Variants in ST3GAL3 observed in about 807,000 individuals in gnomAD.
ST3GAL3 encodes the protein CMP-N-acetylneuraminate-beta-1,4-galactoside alpha-2,3-sialyltransferase.
ST3GAL3 carries 21 observed loss-of-function variants against 50.1 expected under a neutral mutation model. The observed-to-expected ratio is 0.42, with a 90% CI of 0.30 to 0.60. ST3GAL3 has a LOEUF of 0.60. ST3GAL3 is among the 20% of genes least tolerant of loss of function. The pLI is 0.19. For missense variants in ST3GAL3, 353 were observed against 489.4 expected (o/e 0.72, Z 2.63); for synonymous variants, 183 against 190.0 (o/e 0.96, Z 0.30).
At chr1:43,905,179 G>C (rs1571113598) in intron 9 of ST3GAL3, among the ~76,000 whole-genome samples, 4 of 55,426 alleles carry the variant, frequency 7.2e-5, no homozygotes, top group Admixed American at 5.5e-4. Flanking sequence ...CCCTCCTCCT[G>C]TTTCTCTTCC....
intron 9 of ST3GAL3, among the ~76,000 whole-genome samples, chr1:43,908,948 ACCCG>A (rs2080304708): frequency 6.6e-6 from 1 of 151,950 alleles, no homozygotes; most frequent in Non-Finnish European, 1.5e-5. Flanking sequence ...ACTCTTTAGC[ACCCG>A]CCATGTACTC....
intron 5 of ST3GAL3, among the ~76,000 whole-genome samples, chr1:43,881,531 C>G (rs556801460): frequency 6.6e-6 from 1 of 152,364 alleles, no homozygotes; most frequent in East Asian, 1.9e-4. Flanking sequence ...AGTTTCCTCC[C>G]CTACGTTCCC....
At chr1:43,838,489 C>T in intron 5 of ST3GAL3, 178 bp downstream of exon 5, 1 of 640,216 alleles carries the variant, frequency 1.6e-6, no homozygotes, top group Non-Finnish European at 2.9e-6. Context: ...CGTTGCTTTG[C>T]CTTACTCCCA....
intron 4 of ST3GAL3, among the ~76,000 whole-genome samples, chr1:43,821,890 G>C (rs1471913938): frequency 6.6e-6 from 1 of 152,234 alleles, no homozygotes; most frequent in Non-Finnish European, 1.5e-5. Context: ...GATTTGTTGA[G>C]CAACTAATAT....
chr1:43,897,019 T>C (rs1047924774), intron 6 of ST3GAL3, among the ~76,000 whole-genome samples: 1 of 140,824 alleles, frequency 7.1e-6, no homozygotes, highest in Non-Finnish European at 1.5e-5. Context: ...TATTGGTACA[T>C]ACAGCTGTAG....
rs778849429 is a variant in ST3GAL3, at chr1:43,899,193, G to A, written c.487G>A (p.Val163Met). The change falls in exon 8 of 12, where the codon GTG (valine) becomes ATG (methionine). Residue 163 changes from valine (V) to methionine (M), a missense_variant. Coordinates refer to ENST00000347631, the MANE Select transcript of ST3GAL3 (RefSeq NM_006279.5). This position sits in a 1 kb window ranked among gnomAD's most constrained non-coding sequence, Gnocchi z 5.4. ...CCTCCGCTGCCGCCGCTGCATCATCGTGGGCAATGGAGGCGTTCTTGCCAA... is the reference window on the plus strand; with the variant it reads ...CCTCCGCTGCCGCCGCTGCATCATCATGGGCAATGGAGGCGTTCTTGCCAA... ...DSLRCRRCII[V>M]GNGGVLANKS... The A allele has an allele frequency of 3.5e-5, 56 of 1,614,046 alleles. No homozygotes were observed. Among genetic ancestry groups the A allele is most frequent in the African/African-American group, 1.2e-4 (9 of 74,912 alleles).
At chr1:43,848,563 C>T (rs2066698525) in intron 5 of ST3GAL3, among the ~76,000 whole-genome samples, 1 of 152,006 alleles carries the variant, frequency 6.6e-6, no homozygotes, top group African/African-American at 2.4e-5. Context: ...CCTCGGCCTC[C>T]CAAAGTGCTA....
At chr1:43,865,791 C>T (rs542824410) in intron 5 of ST3GAL3, among the ~76,000 whole-genome samples, 13 of 152,332 alleles carry the variant, frequency 8.5e-5, no homozygotes, top group African/African-American at 3.1e-4. Context: ...CTACTTCTAG[C>T]ATTAAAGGGC....
chr1:43,898,511 C>A (rs1210112012), intron 7 of ST3GAL3: 2 of 636,546 alleles, frequency 3.1e-6, no homozygotes, highest in African/African-American at 3.6e-5. Context: ...CAGGACATCC[C>A]AGTCCTCAGA....
intron 1 of ST3GAL3, among the ~76,000 whole-genome samples, chr1:43,723,168 G>C (rs1671297968): frequency 6.6e-6 from 1 of 151,658 alleles, no homozygotes; most frequent in African/African-American, 2.4e-5. Flanking sequence ...GAGTGCAGTG[G>C]CATGAAGTGG....
At chr1:43,885,515 C>G (rs1324609161) in intron 5 of ST3GAL3, among the ~76,000 whole-genome samples, 2 of 152,072 alleles carry the variant, frequency 1.3e-5, no homozygotes, top group African/African-American at 4.8e-5. Context: ...ACCCCCTAGG[C>G]CAGGGCAAGC....
At chr1:43,904,920 CGCCACTCTTCCTCCCCTTCCTCCTTTCT>C (rs2078971103) in intron 9 of ST3GAL3, among the ~76,000 whole-genome samples, 1 of 2,722 alleles carries the variant, frequency 3.7e-4, no homozygotes, top group Non-Finnish European at 6.4e-4. Context: ...CTCCTCTTCC[CGCCACTCTTCCTCCCCTTCCTCCTTTCT>C]GCCACTCTTC....
chr1:43,924,750 T>G (rs947888338), intron 11 of ST3GAL3, among the ~76,000 whole-genome samples: 1 of 152,144 alleles, frequency 6.6e-6, no homozygotes, highest in Non-Finnish European at 1.5e-5. Flanking sequence ...AGGCAAGAAG[T>G]CCAGGCTGGA....
intron 3 of ST3GAL3, among the ~76,000 whole-genome samples, chr1:43,793,360 GTTTA>G (rs1316547235): frequency 1.3e-5 from 2 of 151,998 alleles, no homozygotes; most frequent in African/African-American, 2.4e-5. Flanking sequence ...AGCATTTACG[GTTTA>G]TTTGTGTTAC....
chr1:43,799,796 C>T (rs3828140), intron 3 of ST3GAL3: 53,341 of 152,048 alleles, frequency 0.35, 10,396 homozygotes, highest in East Asian at 0.59. Context: ...CATTTTTTCC[C>T]ATTTCCTGTA....
At chr1:43,917,489 A>T (rs12741496) in intron 9 of ST3GAL3, among the ~76,000 whole-genome samples, 20 of 23,092 alleles carry the variant, frequency 8.7e-4, no homozygotes, top group Admixed American at 2.4e-3. Flanking sequence ...TATAATATAT[A>T]ATATATATAA....
intron 6 of ST3GAL3, among the ~76,000 whole-genome samples, chr1:43,895,052 G>A (rs1326388692): frequency 6.6e-6 from 1 of 152,220 alleles, no homozygotes; most frequent in Non-Finnish European, 1.5e-5. Flanking sequence ...ATTCAAGAGT[G>A]CAGAGTTCTG....
At position 43,759,770 on chromosome 1, in the gene ST3GAL3, C is replaced by T. The variant is rs76420553; in HGVS notation, c.118+23390C>T. Among the ~76,000 whole-genome samples, 329 of 152,186 alleles carry T rather than the reference C, an allele frequency of 2.2e-3. 1 individual carries two copies. Among genetic ancestry groups the T allele is most frequent in the African/African-American group, 7.4e-3 (309 of 41,504 alleles). ...TGTCATTATATTTCTCACTGCCACA[C>T]GTGGTAGGAAATAAAATGAAGCCAA... On this transcript the variant is annotated intron_variant, in intron 2 of 11. Transcript: ENST00000347631.
chr1:43,839,661 G>GA (rs1276623314), intron 5 of ST3GAL3: 1 of 152,158 alleles, frequency 6.6e-6, no homozygotes, highest in Non-Finnish European at 1.5e-5. Context: ...GCATGTCTAT[G>GA]AAAAAACATC....
Sources: allele counts gnomAD v4.1 joint callset (sites outside exome capture counted in the v4.1 genomes callset), GRCh38; gene constraint gnomAD v4.1.1; non-coding constraint Gnocchi (gnomAD v3.1); transcripts MANE v1.5; gene names NCBI Gene and HGNC (gene_info 2026-07-23, HGNC 2026-07-21).